Variants in SLC39A11 observed in about 807,000 individuals in gnomAD.
The protein encoded by SLC39A11 is zinc transporter ZIP11.
A neutral mutation model predicts 36.1 loss-of-function variants in SLC39A11; 33 were observed. That is an observed-to-expected ratio of 0.91 (90% CI 0.69 to 1.22). The LOEUF is 1.22. SLC39A11 is among the 50% of genes most tolerant of loss of function. SLC39A11 has a pLI of 0.00. For synonymous variants in SLC39A11, 166 were observed against 170.3 expected (o/e 0.97, Z 0.20); for missense variants, 432 against 430.3 (o/e 1.00, Z -0.03).
At chr17:72,858,296 C>A (rs921442521) in intron 5 of SLC39A11, among the ~76,000 whole-genome samples, 1 of 152,042 alleles carries the variant, frequency 6.6e-6, no homozygotes, top group Non-Finnish European at 1.5e-5. Context: ...AGATGTTCAG[C>A]CTTATATATG....
chr17:72,845,971 A>G (rs2079027557), intron 6 of SLC39A11, among the ~76,000 whole-genome samples: 1 of 147,816 alleles, frequency 6.8e-6, no homozygotes, highest in Admixed American at 6.7e-5. Context: ...GAGTGTGGAG[A>G]TAAGAGAATC....
At chr17:72,893,621 C>G (rs2081876073) in intron 5 of SLC39A11, among the ~76,000 whole-genome samples, 1 of 151,938 alleles carries the variant, frequency 6.6e-6, no homozygotes, top group South Asian at 2.1e-4. Context: ...GTCTGCAGGC[C>G]AAATTTAGGG....
At chr17:72,738,592 C>T (rs1414550787) in intron 6 of SLC39A11, among the ~76,000 whole-genome samples, 10 of 152,052 alleles carry the variant, frequency 6.6e-5, no homozygotes, top group Admixed American at 5.9e-4. Context: ...CCAGTGGCCA[C>T]GGACCAAAGG....
intron 7 of SLC39A11, among the ~76,000 whole-genome samples, chr17:72,709,191 G>A (rs2073016431): frequency 6.6e-6 from 1 of 152,166 alleles, no homozygotes. Flanking sequence ...ATCTACCTCG[G>A]CCTCCCAAAG....
At chr17:72,988,142 T>C (rs1480353162) in intron 4 of SLC39A11, among the ~76,000 whole-genome samples, 1 of 152,234 alleles carries the variant, frequency 6.6e-6, no homozygotes, top group Non-Finnish European at 1.5e-5. Context: ...ACAATCCAAT[T>C]ACACTCTTTA....
In SLC39A11 at chr17:72,739,601, T is replaced by C. The variant is rs1213690500; in HGVS notation, c.602-2882A>G. 2.0e-5 allele frequency among the ~76,000 whole-genome samples: 3 copies of C among 151,112 alleles called. No individual in the cohort carries two copies. The East Asian group carries it at 5.8e-4, about 29-fold the overall frequency. On this transcript the variant is annotated intron_variant, in intron 6 of 9. Coordinates refer to ENST00000255559, the MANE Select transcript of SLC39A11 (RefSeq NM_139177.4). ...CAGAAGCCAGGTAGTCAGAGGGAGG[T>C]CTTTCCAAAACCAGACAGCAGCATC... is the stretch of plus-strand genomic sequence containing the variant.
intron 4 of SLC39A11, among the ~76,000 whole-genome samples, chr17:72,974,749 C>T (rs2087723714): frequency 6.6e-6 from 1 of 152,220 alleles, no homozygotes. Flanking sequence ...TCACCACTCA[C>T]TCACTGACTC....
intron 3 of SLC39A11, 25 bp downstream of exon 3, chr17:73,084,783 A>G (rs938011430): frequency 1.7e-5 from 27 of 1,613,546 alleles, no homozygotes; most frequent in Non-Finnish European, 2.2e-5. Flanking sequence ...CTCAATTTCC[A>G]TTTCTCCTAC....
chr17:72,776,033 G>C (rs1040542941), intron 6 of SLC39A11, among the ~76,000 whole-genome samples: 7 of 152,204 alleles, frequency 4.6e-5, no homozygotes, highest in African/African-American at 1.7e-4. Flanking sequence ...CCCTGGATCA[G>C]GCTGGTCCAG....
At chr17:72,728,473 AG>A (rs1316486574) in intron 7 of SLC39A11, among the ~76,000 whole-genome samples, 3 of 152,152 alleles carry the variant, frequency 2.0e-5, no homozygotes, top group Non-Finnish European at 4.4e-5. Context: ...AAAGGAACAA[AG>A]GAACAGGGAG....
intron 3 of SLC39A11, among the ~76,000 whole-genome samples, chr17:73,047,737 G>A (rs1273078891): frequency 6.6e-6 from 1 of 151,768 alleles, no homozygotes; most frequent in African/African-American, 2.4e-5. Context: ...GTAGGCTGAA[G>A]CGGGCAGATC....
chr17:72,969,932 A>C (rs2087314954), intron 4 of SLC39A11, among the ~76,000 whole-genome samples: 1 of 152,120 alleles, frequency 6.6e-6, no homozygotes, highest in South Asian at 2.1e-4. Flanking sequence ...TCCTCCTAAA[A>C]TGAAATCTTC....
chr17:72,860,850 G>C (rs960416838), intron 5 of SLC39A11, among the ~76,000 whole-genome samples: 1 of 152,074 alleles, frequency 6.6e-6, no homozygotes, highest in African/African-American at 2.4e-5. Context: ...CCATTTCCTG[G>C]TTATGCATCT....
At position 72,773,679 on chromosome 17, in the gene SLC39A11, C is replaced by CACA. The variant is rs57105900; in HGVS notation, c.602-36961_602-36960insTGT. Among the ~76,000 whole-genome samples the CACA allele has an allele frequency of 7.2e-3, 1,047 of 145,794 alleles. 19 individuals are homozygous for CACA. Among genetic ancestry groups the CACA allele is most frequent in the East Asian group, 0.043 (202 of 4,644 alleles). On this transcript the variant is annotated intron_variant, in intron 6 of 9. Coordinates refer to ENST00000255559, the MANE Select transcript of SLC39A11 (RefSeq NM_139177.4). ...CACACACACACACACACACACACAC[C>CACA]CAGTATATAAAGGATATCAGTGTCA...
chr17:72,952,644 T>G (rs1269747406), intron 4 of SLC39A11, among the ~76,000 whole-genome samples: 1 of 152,202 alleles, frequency 6.6e-6, no homozygotes, highest in African/African-American at 2.4e-5. Flanking sequence ...CTTCTTTACT[T>G]GATATTGTTG....
chr17:72,956,348 C>T (rs1178665200), intron 4 of SLC39A11, among the ~76,000 whole-genome samples: 1 of 152,202 alleles, frequency 6.6e-6, no homozygotes, highest in African/African-American at 2.4e-5. Context: ...CATCACACAG[C>T]TCTGCAGAGA....
intron 4 of SLC39A11, among the ~76,000 whole-genome samples, chr17:72,999,149 A>G (rs2148372804): frequency 6.6e-6 from 1 of 152,336 alleles, no homozygotes; most frequent in Middle Eastern, 3.4e-3. Context: ...AAGGCCTAGC[A>G]TCTCAAAATA....
rs1369151247 is a variant in SLC39A11 at position 72,884,851 on chromosome 17, G to C, written c.431-35047C>G. 2.0e-5 allele frequency among the ~76,000 whole-genome samples: 3 copies of C among 152,136 alleles called. No individual in the cohort carries two copies. In the East Asian group the frequency reaches 5.8e-4, roughly 29 times the overall value. On this transcript the variant is annotated intron_variant, in intron 5 of 9. Coordinates refer to ENST00000255559, the MANE Select transcript of SLC39A11 (RefSeq NM_139177.4). ...AAATCACAACAGAATTCTAAAACTG[G>C]ACAAGGGAACTCTAAAGCTCTTCTG...
At chr17:73,047,982 AAAAAAAAAATATATATAT>A (rs1465912005) in intron 3 of SLC39A11, among the ~76,000 whole-genome samples, 2 of 50,494 alleles carry the variant, frequency 4.0e-5, no homozygotes, top group African/African-American at 1.3e-4. Context: ...AAAAAAAAAA[AAAAAAAAAATATATATAT>A]ATATATATAT....
Sources: gnomAD v4.1 joint callset for allele counts (sites outside exome capture counted in the v4.1 genomes callset) on GRCh38, gnomAD v4.1.1 for gene constraint, MANE v1.5 for transcripts, NCBI Gene and HGNC (gene_info 2026-07-23, HGNC 2026-07-21) for gene names.